KAT6A: variants seen among roughly 807,000 people sequenced by gnomAD.
The protein encoded by KAT6A is histone acetyltransferase KAT6A.
A neutral mutation model predicts 198.4 loss-of-function variants in KAT6A; 9 were observed. That is an observed-to-expected ratio of 0.05 (90% CI 0.03 to 0.08). KAT6A has a LOEUF of 0.08. KAT6A is among the 10% of genes least tolerant of loss of function. The pLI, the probability that KAT6A is intolerant of heterozygous loss-of-function variation, is 1.00. For synonymous variants in KAT6A, 890 were observed against 883.0 expected (o/e 1.01, Z -0.14); for missense variants, 2,077 against 2,509.9 (o/e 0.83, Z 3.69).
At chr8:41,956,366 C>A (rs1047950703) in intron 8 of KAT6A, among the ~76,000 whole-genome samples, 2 of 152,056 alleles carry the variant, frequency 1.3e-5, no homozygotes, top group Non-Finnish European at 2.9e-5. Context: ...TTAGCCTAAC[C>A]AAAAACAAGC....
chr8:41,938,582 C>T (rs1821957853), intron 15 of KAT6A, among the ~76,000 whole-genome samples: 1 of 152,134 alleles, frequency 6.6e-6, no homozygotes, highest in Non-Finnish European at 1.5e-5. Flanking sequence ...CTTGAAGCAT[C>T]TTGTAGTGCC....
chr8:42,023,865 A>G (rs1036759391), intron 2 of KAT6A, among the ~76,000 whole-genome samples: 1 of 152,108 alleles, frequency 6.6e-6, no homozygotes, highest in Non-Finnish European at 1.5e-5. Flanking sequence ...CTTTTTGTTA[A>G]GCATTAAAAA....
intron 8 of KAT6A, among the ~76,000 whole-genome samples, chr8:41,973,568 A>G (rs1823906778): frequency 6.6e-6 from 1 of 152,140 alleles, no homozygotes; most frequent in Non-Finnish European, 1.5e-5. Context: ...TACATGGTAC[A>G]TTTGTTGGTG....
rs913505073 is a variant in KAT6A at position 41,962,214 on chromosome 8, CA to C, written c.1483-6804del. ...GGTGATCTCATCTAGTCTCATTTTTCAAAAAAACAACCTACTTGCTGGTGAG... is the reference window on the plus strand; with the variant it reads ...GGTGATCTCATCTAGTCTCATTTTTCAAAAAACAACCTACTTGCTGGTGAG... On this transcript the variant is annotated intron_variant, in intron 8 of 16. Transcript: ENST00000265713. 2.0e-5 allele frequency among the ~76,000 whole-genome samples: 3 copies of C among 151,778 alleles called. No individual in the cohort carries two copies. The East Asian group carries it at 5.8e-4, about 29-fold the overall frequency.
At chr8:42,037,331 G>A (rs1436830369) in intron 2 of KAT6A, among the ~76,000 whole-genome samples, 1 of 152,106 alleles carries the variant, frequency 6.6e-6, no homozygotes, top group African/African-American at 2.4e-5. Context: ...TAGTAAGTTA[G>A]ATATTTAAAG....
At position 41,940,817 on chromosome 8, in the gene KAT6A, GA is replaced by G. The variant is rs1166291422; in HGVS notation, c.3039+24del. 1.9e-6 allele frequency: 3 copies of G among 1,586,196 alleles called. No homozygotes were observed. In the South Asian group the frequency reaches 3.4e-5, roughly 18 times the overall value. On this transcript the variant is annotated intron_variant, in intron 15 of 16. Transcript: ENST00000265713. The stretch of plus-strand genomic sequence containing the variant: ...AAGATAAACTGGAATTGGAGGAAGA[GA>G]AGACCTGGAAAGAAATGCGTTACCT...
intron 2 of KAT6A, among the ~76,000 whole-genome samples, chr8:41,989,528 A>ACGTG (rs1824809251): frequency 4.2e-4 from 63 of 149,498 alleles, no homozygotes; most frequent in Admixed American, 3.3e-4. Context: ...AACATAACGT[A>ACGTG]ACGTGACGTG....
chr8:42,033,500 C>CACA (rs1174426175), intron 2 of KAT6A, among the ~76,000 whole-genome samples: 1 of 152,216 alleles, frequency 6.6e-6, no homozygotes, highest in Non-Finnish European at 1.5e-5. Context: ...TAAACAGTTA[C>CACA]TATGTGCATA....
chr8:41,992,984 G>C (rs780396044), intron 2 of KAT6A, among the ~76,000 whole-genome samples: 25 of 150,074 alleles, frequency 1.7e-4, no homozygotes, highest in Non-Finnish European at 3.1e-4. Context: ...TCCAGAACAA[G>C]ACAGTAAAGT....
At chr8:42,029,754 GACC>G (rs1228433530) in intron 2 of KAT6A, among the ~76,000 whole-genome samples, 1 of 151,560 alleles carries the variant, frequency 6.6e-6, no homozygotes, top group Non-Finnish European at 1.5e-5. Context: ...GAGCCACCAT[GACC>G]ACCTCAATTA....
At chr8:41,982,970 G>A (rs1824434257) in intron 3 of KAT6A, among the ~76,000 whole-genome samples, 1 of 152,002 alleles carries the variant, frequency 6.6e-6, no homozygotes, top group African/African-American at 2.4e-5. Context: ...AGAATAAGGG[G>A]GACTCCTGTA....
In KAT6A at chr8:41,981,884, G is replaced by T; in HGVS notation, c.780C>A (p.Ile260=). 1 of 1,613,940 alleles carries T rather than the reference G, an allele frequency of 6.2e-7. No homozygotes were observed. Among genetic ancestry groups the T allele is most frequent in the South Asian group, 1.1e-5 (1 of 91,050 alleles). ...GACAGGAGCTGCATGTTTTACACTC[G>T]ATGCACTGCCACCGTAAGGCCTTCA... ...VRVKALRWQC[I]ECKTCSSCRD... is the part of the protein sequence containing the mutation. Residue 260 remains isoleucine (I), a synonymous_variant, in exon 4 of 17, where the codon ATC becomes ATA. Coordinates refer to ENST00000265713, the MANE Select transcript of KAT6A (RefSeq NM_006766.5).
At chr8:41,971,539 A>G in intron 8 of KAT6A, among the ~76,000 whole-genome samples, 1 of 151,738 alleles carries the variant, frequency 6.6e-6, no homozygotes. Flanking sequence ...GTAGCCTGAG[A>G]GCAAAAAGAG....
intron 2 of KAT6A, among the ~76,000 whole-genome samples, chr8:42,043,953 G>A (rs1235641433): frequency 6.6e-6 from 1 of 152,152 alleles, no homozygotes; most frequent in African/African-American, 2.4e-5. Context: ...AGCTAGTTAT[G>A]TTAGAGGATT....
chr8:41,991,979 A>G (rs1824969225), intron 2 of KAT6A, among the ~76,000 whole-genome samples: 1 of 152,152 alleles, frequency 6.6e-6, no homozygotes, highest in African/African-American at 2.4e-5. Context: ...TCAATAATCA[A>G]TTTTGGAAAG....
chr8:41,946,435 T>C (rs150769795), intron 12 of KAT6A, among the ~76,000 whole-genome samples, 156 bp downstream of exon 12: 1 of 151,752 alleles, frequency 6.6e-6, no homozygotes, highest in African/African-American at 2.4e-5. Flanking sequence ...CATATAGCTA[T>C]ATGACAAAAG....
intron 8 of KAT6A, among the ~76,000 whole-genome samples, chr8:41,971,168 C>G (rs988565251): frequency 1.4e-5 from 2 of 145,836 alleles, no homozygotes; most frequent in African/African-American, 5.1e-5. Flanking sequence ...CACATGTATA[C>G]ATATACGTAA....
Position 41,933,156 on chromosome 8 carries a change from C to A in KAT6A, c.5064G>T (p.Gln1688His), listed in dbSNP as rs748913433. 8 of 1,601,196 alleles carry A rather than the reference C, an allele frequency of 5.0e-6. No homozygotes were observed. Among genetic ancestry groups the A allele is most frequent in the Non-Finnish European group, 6.8e-6 (8 of 1,175,876 alleles). The change falls in exon 17 of 17, where the codon CAG becomes CAT. Residue 1688 changes from glutamine (Q) to histidine (H), a missense_variant. By Grantham distance (24) the Gln-to-His change is conservative. Transcript: ENST00000265713. The surrounding 1 kb of genome is among the most constrained non-coding windows in gnomAD (Gnocchi z 6.2). ...GGGGAGGGGGTGGGGGTGGAGGCTGCTGGGGCTGAGGCTGCGGCTGCTGTT... is the reference window on the plus strand; with the variant it reads ...GGGGAGGGGGTGGGGGTGGAGGCTGATGGGGCTGAGGCTGCGGCTGCTGTT... ...QPQQQPQPQP[Q>H]QPPPPPPPQQ...
chr8:41,972,287 C>G (rs545818913), intron 8 of KAT6A, among the ~76,000 whole-genome samples: 1 of 152,070 alleles, frequency 6.6e-6, no homozygotes, highest in South Asian at 2.1e-4. Flanking sequence ...GTTTGGCCAC[C>G]AACAAAGTAA....
Sources: allele counts gnomAD v4.1 joint callset (sites outside exome capture counted in the v4.1 genomes callset), GRCh38; gene constraint gnomAD v4.1.1; non-coding constraint Gnocchi (gnomAD v3.1); transcripts MANE v1.5; gene names NCBI Gene and HGNC (gene_info 2026-07-23, HGNC 2026-07-21).